The following FBXW7 variants were observed in gnomAD, a reference collection of about 807,000 sequenced individuals.
The protein encoded by FBXW7 is F-box and WD repeat domain containing 7.
A neutral mutation model predicts 86.3 loss-of-function variants in FBXW7; 11 were observed. The ratio of observed to expected loss-of-function variants is 0.13; its 90% confidence interval spans 0.08 to 0.21. The LOEUF is 0.21. FBXW7 is among the 10% of genes least tolerant of loss of function. FBXW7 has a pLI of 1.00. For synonymous variants in FBXW7, 313 were observed against 297.9 expected (o/e 1.05, Z -0.52); for missense variants, 488 against 847.4 (o/e 0.58, Z 5.27).
intron 2 of FBXW7, among the ~76,000 whole-genome samples, chr4:152,466,906 C>A (rs1173679830): frequency 5.9e-5 from 9 of 152,180 alleles, no homozygotes; most frequent in Admixed American, 3.9e-4. Context: ...CGCGCCACTG[C>A]ACTCTGGCCT....
At chr4:152,491,215 C>T (rs1246367639) in intron 2 of FBXW7, among the ~76,000 whole-genome samples, 1 of 152,132 alleles carries the variant, frequency 6.6e-6, no homozygotes, top group Non-Finnish European at 1.5e-5. Context: ...CACATTCATA[C>T]ATTTTATAAC....
intron 2 of FBXW7, among the ~76,000 whole-genome samples, chr4:152,461,367 A>T (rs546986079): frequency 4.8e-4 from 73 of 152,206 alleles, no homozygotes; most frequent in South Asian, 1.7e-3. Context: ...TTGATCTCCT[A>T]TCTATTCACT....
intron 2 of FBXW7, among the ~76,000 whole-genome samples, chr4:152,449,894 CTG>C (rs1370220514): frequency 6.6e-6 from 1 of 152,208 alleles, no homozygotes; most frequent in African/African-American, 2.4e-5. Context: ...CTTCAAATTA[CTG>C]TAACTTAAAT....
intron 2 of FBXW7, among the ~76,000 whole-genome samples, chr4:152,454,343 CTG>C (rs2149616119): frequency 7.0e-6 from 1 of 143,066 alleles, no homozygotes; most frequent in Admixed American, 7.3e-5. Context: ...TGCTTCTTCA[CTG>C]TGTCACTTAC....
Position 152,418,127 on chromosome 4 carries a change from C to CCACACACACA in FBXW7, c.-119-5608_-119-5599dup, listed in dbSNP as rs3047865. The stretch of plus-strand genomic sequence containing the variant: ...TCACTCATTTAAAGAACAGCTCTTA[C>CCACACACACA]CACACACACACACACACACACACAC... On this transcript the variant is annotated intron_variant, in intron 2 of 13. Transcript: ENST00000281708. Among the ~76,000 whole-genome samples the CCACACACACA allele has an allele frequency of 2.1e-3, 296 of 143,930 alleles. 2 individuals are homozygous for CCACACACACA. Among genetic ancestry groups the CCACACACACA allele is most frequent in the African/African-American group, 6.9e-3 (271 of 39,090 alleles). The allele number at this position is 143,930 out of a possible 152,430, so 94.4% of individuals were successfully genotyped here. A position where few individuals can be genotyped will look rare whatever the true frequency, so the allele number is the denominator to read the frequency against.
chr4:152,415,332 T>C (rs1738323124), intron 2 of FBXW7, among the ~76,000 whole-genome samples: 1 of 152,162 alleles, frequency 6.6e-6, no homozygotes, highest in African/African-American at 2.4e-5. Context: ...AGAATTTACA[T>C]GGGCAGGTAT....
At chr4:152,375,320 T>G (rs1734398605) in intron 4 of FBXW7, among the ~76,000 whole-genome samples, 2 of 151,990 alleles carry the variant, frequency 1.3e-5, no homozygotes, top group Admixed American at 6.6e-5. Context: ...TATAATCTAA[T>G]GTGACAAAAA....
At chr4:152,339,153 T>G (rs1269001676) in intron 6 of FBXW7, among the ~76,000 whole-genome samples, 1 of 152,222 alleles carries the variant, frequency 6.6e-6, no homozygotes, top group East Asian at 1.9e-4. Flanking sequence ...ATTTCCATAG[T>G]ATATTCCATT....
chr4:152,404,966 CGA>C (rs1737275070), intron 4 of FBXW7, among the ~76,000 whole-genome samples: 1 of 151,812 alleles, frequency 6.6e-6, no homozygotes, highest in African/African-American at 2.4e-5. Flanking sequence ...GGTGGTGCCA[CGA>C]GTGGTCCCAG....
intron 2 of FBXW7, among the ~76,000 whole-genome samples, chr4:152,520,623 A>C (rs1175118562): frequency 6.6e-6 from 1 of 152,104 alleles, no homozygotes; most frequent in Non-Finnish European, 1.5e-5. Flanking sequence ...TCCTTATTTA[A>C]CACTGTTACT....
chr4:152,532,429 T>C (rs1750105491), intron 2 of FBXW7, among the ~76,000 whole-genome samples: 1 of 152,238 alleles, frequency 6.6e-6, no homozygotes, highest in South Asian at 2.1e-4. Flanking sequence ...AGGAACACTC[T>C]TCTCAGTTGC....
chr4:152,354,315 T>A (rs1414794343), intron 4 of FBXW7, among the ~76,000 whole-genome samples: 1 of 151,996 alleles, frequency 6.6e-6, no homozygotes, highest in Non-Finnish European at 1.5e-5. Flanking sequence ...GTTATCTAAA[T>A]AATCTCACTT....
intron 2 of FBXW7, among the ~76,000 whole-genome samples, chr4:152,495,045 A>C (rs1746193608): frequency 6.6e-6 from 1 of 152,210 alleles, no homozygotes; most frequent in Non-Finnish European, 1.5e-5. Context: ...AAATTTATAT[A>C]GTATAAGCTA....
At chr4:152,474,191 T>C (rs184602944) in intron 2 of FBXW7, among the ~76,000 whole-genome samples, 2 of 152,164 alleles carry the variant, frequency 1.3e-5, no homozygotes, top group Admixed American at 6.5e-5. Context: ...CAGAGAAGAC[T>C]GCAAAGATAC....
chr4:152,403,226 C>T (rs1367997624), intron 4 of FBXW7, among the ~76,000 whole-genome samples: 1 of 152,074 alleles, frequency 6.6e-6, no homozygotes, highest in Non-Finnish European at 1.5e-5. Context: ...GCCTGTAATC[C>T]CAGCACTTTG....
At chr4:152,420,659 C>A (rs542223365) in intron 2 of FBXW7, among the ~76,000 whole-genome samples, 1 of 152,300 alleles carries the variant, frequency 6.6e-6, no homozygotes, top group African/African-American at 2.4e-5. Flanking sequence ...AAATAGGAAT[C>A]TCCTTGTACA....
chr4:152,443,956 A>G (rs1341100018), intron 2 of FBXW7, among the ~76,000 whole-genome samples: 1 of 152,214 alleles, frequency 6.6e-6, no homozygotes. Context: ...TATCCATAAT[A>G]TCATCATCCA....
At chr4:152,433,995 T>C (rs1277791572) in intron 2 of FBXW7, among the ~76,000 whole-genome samples, 1 of 152,220 alleles carries the variant, frequency 6.6e-6, no homozygotes, top group Non-Finnish European at 1.5e-5. Flanking sequence ...GTGGATTTTT[T>C]TTCAATAAAT....
chr4:152,333,332 G>A (rs1729750700), intron 7 of FBXW7, among the ~76,000 whole-genome samples: 2 of 151,988 alleles, frequency 1.3e-5, no homozygotes, highest in South Asian at 4.2e-4. Context: ...TTACTTATAA[G>A]GATCTTCTTG....
Sources: allele counts gnomAD v4.1 joint callset (sites outside exome capture counted in the v4.1 genomes callset), GRCh38; gene constraint gnomAD v4.1.1; transcripts MANE v1.5; gene names NCBI Gene and HGNC (gene_info 2026-07-23, HGNC 2026-07-21).